Variants in DPP6 observed in about 807,000 individuals in gnomAD.
The protein encoded by DPP6 is A-type potassium channel modulatory protein DPP6.
DPP6 carries 69 observed loss-of-function variants against 122.6 expected under a neutral mutation model. That is an observed-to-expected ratio of 0.56 (90% CI 0.46 to 0.69). The LOEUF (loss-of-function observed/expected upper bound fraction) is 0.69. Ranked by LOEUF, DPP6 falls within the 30% of genes least tolerant of loss-of-function variation. The pLI is 0.00. For missense variants in DPP6, 928 were observed against 1,116.9 expected (o/e 0.83, Z 2.41); for synonymous variants, 418 against 433.1 (o/e 0.97, Z 0.43).
At chr7:154,008,558 C>T (rs1441933958) in intron 1 of DPP6, among the ~76,000 whole-genome samples, 1 of 152,112 alleles carries the variant, frequency 6.6e-6, no homozygotes. Context: ...TTTCTACTTA[C>T]CTATCCTGAG....
intron 3 of DPP6, among the ~76,000 whole-genome samples, chr7:154,491,765 C>T (rs77552094): frequency 1.4e-3 from 212 of 152,280 alleles, no homozygotes; most frequent in African/African-American, 5.0e-3. Flanking sequence ...TGTGATCATG[C>T]CCCCAGCATA....
At chr7:154,036,017 CGCTTGTGTGTGTGTGTGTGT>C (rs1156700205) in intron 1 of DPP6, among the ~76,000 whole-genome samples, 1 of 104,524 alleles carries the variant, frequency 9.6e-6, no homozygotes, top group African/African-American at 4.5e-5. Flanking sequence ...TACGCGCGCG[CGCTTGTGTGTGTGTGTGTGT>C]GTGTGTGTGT....
intron 1 of DPP6, among the ~76,000 whole-genome samples, chr7:154,383,735 C>T (rs568854365): frequency 6.6e-6 from 1 of 151,760 alleles, no homozygotes; most frequent in African/African-American, 2.4e-5. Flanking sequence ...ACAAAAAATA[C>T]AAAAATTAGC....
At chr7:154,567,105 A>G (rs895780259) in intron 5 of DPP6, among the ~76,000 whole-genome samples, 189 bp downstream of exon 5, 1 of 152,176 alleles carries the variant, frequency 6.6e-6, no homozygotes, top group African/African-American at 2.4e-5. Context: ...TCTGCTTGGC[A>G]GGGGAAAAAA....
At chr7:154,404,456 C>A (rs59032825) in intron 1 of DPP6, among the ~76,000 whole-genome samples, 13,458 of 152,030 alleles carry the variant, frequency 0.089, 681 homozygotes, top group East Asian at 0.12. Flanking sequence ...AAATATTTAC[C>A]ACAAATAAGA....
intron 5 of DPP6, among the ~76,000 whole-genome samples, chr7:154,616,586 G>C (rs1834273703): frequency 6.6e-6 from 1 of 152,116 alleles, no homozygotes; most frequent in African/African-American, 2.4e-5. Context: ...TGTGACTCTC[G>C]GGCGCGAGCG....
chr7:154,200,237 G>T (rs556043023), intron 1 of DPP6, among the ~76,000 whole-genome samples: 1 of 152,078 alleles, frequency 6.6e-6, no homozygotes, highest in Non-Finnish European at 1.5e-5. Flanking sequence ...AATGCATATA[G>T]TTTTGGGGTA....
At chr7:154,609,397 C>T (rs191458848) in intron 5 of DPP6, among the ~76,000 whole-genome samples, 82 of 152,284 alleles carry the variant, frequency 5.4e-4, no homozygotes, top group Admixed American at 2.0e-3. Flanking sequence ...AGCTTACAAG[C>T]GAGTTCACTA....
intron 7 of DPP6, among the ~76,000 whole-genome samples, chr7:154,703,898 C>G (rs1349530476): frequency 2.0e-5 from 3 of 151,370 alleles, no homozygotes; most frequent in African/African-American, 7.3e-5. Context: ...GATCGCGCCA[C>G]TGCGCTCCAG....
chr7:154,077,067 A>G lies in DPP6; in HGVS notation c.243+24004A>G, dbSNP rs2626777. On this transcript the variant is annotated intron_variant, in intron 1 of 25. Transcript: ENST00000377770. ...ACACTATAAAATGTTTTAAAACAAT[A>G]CTTTTGATAAACTTTATTAAGACCT... 6.0e-4 allele frequency among the ~76,000 whole-genome samples: 92 copies of G among 152,356 alleles called. 2 individuals carry two copies. The highest frequency in any genetic ancestry group is 4.1e-4 in the South Asian group (2 of 4,828).
At chr7:154,344,124 A>G (rs1019208672) in intron 1 of DPP6, among the ~76,000 whole-genome samples, 1 of 152,176 alleles carries the variant, frequency 6.6e-6, no homozygotes, top group African/African-American at 2.4e-5. Context: ...TTTGGTCCCA[A>G]GCCTTTTCCT....
At chr7:154,208,928 C>T (rs1249919519) in intron 1 of DPP6, among the ~76,000 whole-genome samples, 1 of 152,164 alleles carries the variant, frequency 6.6e-6, no homozygotes, top group African/African-American at 2.4e-5. Flanking sequence ...TACACGTCTA[C>T]TAAACTGTTA....
intron 8 of DPP6, among the ~76,000 whole-genome samples, chr7:154,745,555 C>T (rs977751101): frequency 1.3e-5 from 2 of 152,154 alleles, no homozygotes; most frequent in Non-Finnish European, 2.9e-5. Context: ...AAAGGAATAC[C>T]TGAAACTGGG....
chr7:153,837,613 G>C, the DPP6 span, among the ~76,000 whole-genome samples: 6 of 152,178 alleles, frequency 3.9e-5, no homozygotes, highest in South Asian at 1.2e-3. Flanking sequence ...TTTTCCTACT[G>C]TCTTATTGAA....
intron 2 of DPP6, among the ~76,000 whole-genome samples, chr7:154,448,036 C>T (rs144018700): frequency 1.5e-3 from 233 of 152,252 alleles, no homozygotes; most frequent in African/African-American, 5.1e-3. Flanking sequence ...TCATTCCCAG[C>T]ATGGCTATTT....
At chr7:153,966,821 C>G (rs533440673) in intron 1 of DPP6, among the ~76,000 whole-genome samples, 1,727 of 151,338 alleles carry the variant, frequency 0.011, 17 homozygotes, top group Middle Eastern at 0.027. Flanking sequence ...AATCCCAGCA[C>G]TTTGGGAGGC....
chr7:154,349,707 G>T (rs35802648), intron 1 of DPP6, among the ~76,000 whole-genome samples: 1 of 152,100 alleles, frequency 6.6e-6, no homozygotes, highest in African/African-American at 2.4e-5. Context: ...ACTTAACGCC[G>T]TGTCAGCTAG....
rs372303793 is a variant in DPP6 at position 154,540,493 on chromosome 7, G to T, written c.458-39G>T. On this transcript the variant is annotated intron_variant, in intron 3 of 25. Transcript: ENST00000377770. ...CGTCAAAAGTTGAGGAGAGTTCCTT[G>T]ATGTTTCATGTGGTTTTTTTCTACT... 43 of 1,267,768 alleles carry T rather than the reference G, an allele frequency of 3.4e-5. No individual in the cohort carries two copies. The African/African-American group carries it at 6.0e-4, about 18-fold the overall frequency. 78.5% of individuals were successfully genotyped at this position (1,267,768 alleles called of 1,614,324 possible).
At chr7:154,104,497 A>C (rs1805998219) in intron 1 of DPP6, among the ~76,000 whole-genome samples, 1 of 152,170 alleles carries the variant, frequency 6.6e-6, no homozygotes, top group African/African-American at 2.4e-5. Flanking sequence ...ATGATTAACA[A>C]GGCATGGCAT....
Sources: gnomAD v4.1 joint callset for allele counts (sites outside exome capture counted in the v4.1 genomes callset) on GRCh38, gnomAD v4.1.1 for gene constraint, MANE v1.5 for transcripts, NCBI Gene and HGNC (gene_info 2026-07-23, HGNC 2026-07-21) for gene names.